The following ZNF33B variants were observed in gnomAD, a reference collection of about 807,000 sequenced individuals.
ZNF33B encodes zinc finger protein 33B.
Under a neutral mutation model 45.8 loss-of-function variants are expected in ZNF33B, and 29 were observed. That is an observed-to-expected ratio of 0.63 (90% CI 0.47 to 0.86). The LOEUF (loss-of-function observed/expected upper bound fraction) is 0.86, where lower values mean the gene tolerates loss of function less well. ZNF33B is among the 40% of genes least tolerant of loss of function. The pLI, the probability that ZNF33B is intolerant of heterozygous loss-of-function variation, is 0.00. For missense variants in ZNF33B, 831 were observed against 909.9 expected (o/e 0.91, Z 1.12); for synonymous variants, 305 against 307.8 (o/e 0.99, Z 0.10).
At chr10:42,586,076 G>C (rs539346538), downstream of ZNF33B, among the ~76,000 whole-genome samples, 2 of 151,936 alleles carry the variant, frequency 1.3e-5, no homozygotes, top group South Asian at 4.1e-4. Context: ...TTTGCTTTAC[G>C]GTTTCTCTAG....
chr10:42,586,237 T>C (rs576125837), downstream of ZNF33B, among the ~76,000 whole-genome samples: 1 of 142,640 alleles, frequency 7.0e-6, no homozygotes, highest in East Asian at 2.2e-4. Flanking sequence ...CACTGCAAGC[T>C]CCGCCTCCCA....
chr10:42,626,805 A>G (rs1838829110), intron 4 of ZNF33B, among the ~76,000 whole-genome samples: 5 of 152,210 alleles, frequency 3.3e-5, no homozygotes, highest in Admixed American at 1.3e-4. Flanking sequence ...GTTTGGTAGA[A>G]TTCTCTAGTG....
intron 4 of ZNF33B, among the ~76,000 whole-genome samples, chr10:42,614,864 A>G (rs1486238417): frequency 2.0e-5 from 3 of 152,034 alleles, no homozygotes; most frequent in Non-Finnish European, 4.4e-5. Context: ...TGAGGCAGAG[A>G]ATTGCTTGAA....
At position 42,597,335 on chromosome 10, in the gene ZNF33B, T is replaced by C. The variant is rs1258636130; in HGVS notation, c.251-2636A>G. Among the ~76,000 whole-genome samples the C allele has an allele frequency of 2.0e-5, 3 of 152,256 alleles. No homozygotes were observed. The South Asian group carries it at 6.2e-4, about 32-fold the overall frequency. ...TATGCTTTTTTCCTTTAACATATTT[T>C]ACTACTTGTAAAATGTAATAGGTAT... is the stretch of plus-strand genomic sequence containing the variant. On this transcript the variant is annotated intron_variant, in intron 4 of 4. Coordinates refer to ENST00000359467, the MANE Select transcript of ZNF33B (RefSeq NM_006955.3).
At chr10:42,587,060 G>A (rs766135856), downstream of ZNF33B, among the ~76,000 whole-genome samples, 5 of 152,224 alleles carry the variant, frequency 3.3e-5, no homozygotes, top group East Asian at 7.7e-4. Flanking sequence ...GGGGCAAAAA[G>A]GGCCTAGTGT....
chr10:42,634,496 G>C (rs1161749311), intron 2 of ZNF33B, among the ~76,000 whole-genome samples: 1 of 152,120 alleles, frequency 6.6e-6, no homozygotes, highest in Admixed American at 6.5e-5. Context: ...AACAATATTT[G>C]TATGGAAATG....
rs770114907 is a variant in ZNF33B, at chr10:42,631,968, A to G, written c.211T>C (p.Trp71Arg). 6 of 1,614,006 alleles carry G rather than the reference A, an allele frequency of 3.7e-6. No individual in the cohort carries two copies. In the Admixed American group the frequency reaches 1.0e-4, roughly 27 times the overall value. The change falls in exon 4 of 5, where the codon TGG becomes CGG. Residue 71 changes from tryptophan (W) to arginine (R), a missense_variant. Transcript: ENST00000359467. Reference protein sequence around the residue: ...IFRLEQGEEPWRLEEEFPSQS... With the variant: ...IFRLEQGEEPRRLEEEFPSQS... ...CTTGGGAATTCTTCCTCCAGTCTCCATGGTTCTTCTCCTTGTTCCAGCCTG... is the reference window on the plus strand; with the variant it reads ...CTTGGGAATTCTTCCTCCAGTCTCCGTGGTTCTTCTCCTTGTTCCAGCCTG...
At chr10:42,635,097 C>G (rs2132173713) in intron 2 of ZNF33B, among the ~76,000 whole-genome samples, 1 of 152,174 alleles carries the variant, frequency 6.6e-6, no homozygotes, top group South Asian at 2.1e-4. Flanking sequence ...CAAAATTAGC[C>G]AGGTGTGATG....
At chr10:42,624,644 A>G (rs898326613) in intron 4 of ZNF33B, among the ~76,000 whole-genome samples, 1 of 152,188 alleles carries the variant, frequency 6.6e-6, no homozygotes, top group African/African-American at 2.4e-5. Context: ...CTTGCACTTT[A>G]GGGCCATTAT....
chr10:42,626,521 T>C (rs957923669), intron 4 of ZNF33B, among the ~76,000 whole-genome samples: 8 of 151,964 alleles, frequency 5.3e-5, no homozygotes, highest in African/African-American at 1.9e-4. Context: ...AACACCGTCT[T>C]TACTAAAAAT....
intron 4 of ZNF33B, among the ~76,000 whole-genome samples, chr10:42,607,072 G>A (rs1837891540): frequency 1.3e-5 from 2 of 152,002 alleles, no homozygotes; most frequent in Non-Finnish European, 2.9e-5. Flanking sequence ...TGCTCAGCCT[G>A]TATAACAATG....
At chr10:42,630,244 G>T (rs1838989918) in intron 4 of ZNF33B, among the ~76,000 whole-genome samples, 2 of 152,042 alleles carry the variant, frequency 1.3e-5, no homozygotes, top group African/African-American at 4.8e-5. Context: ...AGTTTCAAAA[G>T]ATACAGAATT....
intron 1 of ZNF33B, among the ~76,000 whole-genome samples, chr10:42,577,890 A>G (rs373059246): frequency 1.9e-4 from 29 of 152,282 alleles, no homozygotes; most frequent in African/African-American, 6.3e-4. Flanking sequence ...TACATAGAAA[A>G]CTAAAGACTG....
At chr10:42,579,534 C>A (rs975633119) in intron 1 of ZNF33B, among the ~76,000 whole-genome samples, 2 of 152,110 alleles carry the variant, frequency 1.3e-5, no homozygotes, top group Admixed American at 6.5e-5. Context: ...CTAATCTGTG[C>A]AATGCCCTGT....
At chr10:42,595,290 T>C (rs1837351423) in intron 4 of ZNF33B, among the ~76,000 whole-genome samples, 1 of 152,012 alleles carries the variant, frequency 6.6e-6, no homozygotes, top group Admixed American at 6.6e-5. Flanking sequence ...AGTGAGAAAA[T>C]GCTCAGAAGA....
chr10:42,594,239 C>T lies in ZNF33B; in HGVS notation c.711G>A (p.Arg237=), dbSNP rs556447133. The T allele has an allele frequency of 1.2e-6, 2 of 1,613,766 alleles. No homozygotes were observed. Among genetic ancestry groups the T allele is most frequent in the East Asian group, 4.5e-5 (2 of 44,864 alleles). ...TLLEKAVFNT[R]KRENAEENNC... Reference sequence around the variant, plus strand: ...TATTCTCTTCTGCATTCTCTCTCTTCCGTGTATTGAATACTGCCTTTTCAA... The same window carrying T: ...TATTCTCTTCTGCATTCTCTCTCTTTCGTGTATTGAATACTGCCTTTTCAA... The change falls in exon 5 of 5, where the codon CGG becomes CGA. Residue 237 remains arginine, a synonymous_variant. Transcript: ENST00000359467.
intron 4 of ZNF33B, among the ~76,000 whole-genome samples, chr10:42,603,510 A>G (rs1011930551): frequency 1.3e-5 from 2 of 152,124 alleles, no homozygotes; most frequent in Non-Finnish European, 2.9e-5. Context: ...TACCAGAAAC[A>G]CTCATACAAA....
chr10:42,596,815 C>G (rs1837419771), intron 4 of ZNF33B, among the ~76,000 whole-genome samples: 1 of 151,952 alleles, frequency 6.6e-6, no homozygotes, highest in Non-Finnish European at 1.5e-5. Flanking sequence ...TCTAGTCATT[C>G]TTTTTCCCAT....
chr10:42,624,175 G>T (rs1470413563), intron 4 of ZNF33B, among the ~76,000 whole-genome samples: 1 of 152,070 alleles, frequency 6.6e-6, no homozygotes, highest in Non-Finnish European at 1.5e-5. Flanking sequence ...TAACCTCATC[G>T]TGAGGGCCCC....
Sources: gnomAD v4.1 joint callset for allele counts (sites outside exome capture counted in the v4.1 genomes callset) on GRCh38, gnomAD v4.1.1 for gene constraint, MANE v1.5 for transcripts, NCBI Gene and HGNC (gene_info 2026-07-23, HGNC 2026-07-21) for gene names.